SHISA9: variants seen among roughly 807,000 people sequenced by gnomAD.
SHISA9 encodes the protein protein shisa-9.
A neutral mutation model predicts 38.0 loss-of-function variants in SHISA9; 13 were observed. The observed-to-expected ratio is 0.34, with a 90% confidence interval of 0.22 to 0.54. The LOEUF (loss-of-function observed/expected upper bound fraction) is 0.54. Ranked by LOEUF, SHISA9 falls within the 20% of genes least tolerant of loss-of-function variation. SHISA9 has a pLI of 0.91. For missense variants in SHISA9, 538 were observed against 575.8 expected, an observed-to-expected ratio of 0.93 and a Z score of 0.67; for synonymous variants, 275 against 242.0, an observed-to-expected ratio of 1.14 and a Z score of -1.27.
At chr16:13,553,941 C>T in the SHISA9 span, among the ~76,000 whole-genome samples, 1 of 152,188 alleles carries the variant, frequency 6.6e-6, no homozygotes, top group Admixed American at 6.5e-5. Flanking sequence ...AAACCAGTCA[C>T]GGCTGTAAAG....
At chr16:13,430,557 C>G in the SHISA9 span, among the ~76,000 whole-genome samples, 1 of 152,042 alleles carries the variant, frequency 6.6e-6, no homozygotes, top group African/African-American at 2.4e-5. Flanking sequence ...GACATTACAT[C>G]TGATGAAAGA....
intron 2 of SHISA9, among the ~76,000 whole-genome samples, chr16:13,096,352 A>G (rs540508892): frequency 1.2e-4 from 18 of 152,290 alleles, no homozygotes; most frequent in Admixed American, 6.5e-4. Flanking sequence ...GACAAACGCC[A>G]TATCATCTCT....
chr16:13,281,101 C>A, the SHISA9 span, among the ~76,000 whole-genome samples: 1 of 151,678 alleles, frequency 6.6e-6, no homozygotes, highest in East Asian at 1.9e-4. Flanking sequence ...ACTTAATTCT[C>A]GTTTTTAAAA....
intron 2 of SHISA9, among the ~76,000 whole-genome samples, chr16:13,069,715 T>A (rs747274690): frequency 4.6e-5 from 7 of 152,086 alleles, no homozygotes; most frequent in Non-Finnish European, 1.0e-4. Flanking sequence ...CTCACATTTA[T>A]GTCTTGAAAC....
intron 2 of SHISA9, among the ~76,000 whole-genome samples, chr16:12,944,578 A>T (rs937378459): frequency 2.6e-5 from 4 of 152,116 alleles, no homozygotes; most frequent in African/African-American, 9.7e-5. Flanking sequence ...GGAGAATGGG[A>T]TGTTGGCAGC....
intron 2 of SHISA9, among the ~76,000 whole-genome samples, chr16:13,185,357 A>C (rs1390887308): frequency 6.6e-6 from 1 of 152,096 alleles, no homozygotes; most frequent in Non-Finnish European, 1.5e-5. Context: ...ACATGACACC[A>C]TGCCTGGCTA....
intron 2 of SHISA9, among the ~76,000 whole-genome samples, chr16:12,959,263 A>T (rs1055335252): frequency 6.6e-6 from 1 of 152,254 alleles, no homozygotes; most frequent in Admixed American, 6.5e-5. Context: ...GACTAGAGGC[A>T]TTGGATATAT....
At chr16:13,148,650 A>G (rs954200023) in intron 2 of SHISA9, among the ~76,000 whole-genome samples, 22 of 149,820 alleles carry the variant, frequency 1.5e-4, no homozygotes, top group Admixed American at 9.5e-4. Context: ...TCATTCACAC[A>G]CCCACTCTTC....
rs1239034917 is a variant in SHISA9 at position 13,213,353 on chromosome 16, T to G, written c.895+53T>G. 8 of 1,507,010 alleles carry G rather than the reference T, an allele frequency of 5.3e-6. No individual in the cohort carries two copies. The African/African-American group carries it at 9.7e-5, about 18-fold the overall frequency. The allele number at this position is 1,507,010 out of a possible 1,614,324, so 93.4% of individuals were successfully genotyped here. Reference sequence around the variant, plus strand: ...TGTCCAGGTGTTGTCAAAGTTAGCATTAAATAATGAAGGGATAGAGAGTCC... The same window carrying G: ...TGTCCAGGTGTTGTCAAAGTTAGCAGTAAATAATGAAGGGATAGAGAGTCC... On this transcript the variant is annotated intron_variant, in intron 4 of 4. Coordinates refer to ENST00000558583, the MANE Select transcript of SHISA9 (RefSeq NM_001145204.3).
chr16:13,533,220 A>T, the SHISA9 span, among the ~76,000 whole-genome samples: 2 of 152,118 alleles, frequency 1.3e-5, no homozygotes, highest in Non-Finnish European at 2.9e-5. Context: ...ATTCAGAGTC[A>T]AGCACTGTAT....
chr16:13,188,297 G>A (rs1165244952), intron 2 of SHISA9, among the ~76,000 whole-genome samples: 1 of 152,188 alleles, frequency 6.6e-6, no homozygotes, highest in Non-Finnish European at 1.5e-5. Flanking sequence ...CCTTGACACA[G>A]CAGGTGCCTG....
intron 2 of SHISA9, among the ~76,000 whole-genome samples, chr16:13,029,058 A>G (rs1289730996): frequency 6.6e-6 from 1 of 152,158 alleles, no homozygotes; most frequent in African/African-American, 2.4e-5. Context: ...TCTCCTTTTA[A>G]AATTTTTTTT....
Position 13,097,393 on chromosome 16 carries a change from C to T in SHISA9, c.692-106001C>T, listed in dbSNP as rs140254024. Among the ~76,000 whole-genome samples the T allele has an allele frequency of 4.0e-3, 609 of 151,788 alleles. 4 individuals carry two copies. The highest frequency in any genetic ancestry group is 4.3e-3 in the Non-Finnish European group (289 of 67,972). ...ATGAGCCATCACGCGGTGGAATGCC[C>T]GACATCATAGTGGCATTGTCTGATC... On this transcript the variant is annotated intron_variant, in intron 2 of 4. Transcript: ENST00000558583.
At chr16:13,208,442 T>C (rs865918721) in intron 3 of SHISA9, among the ~76,000 whole-genome samples, 9 of 66,652 alleles carry the variant, frequency 1.4e-4, no homozygotes, top group East Asian at 6.0e-4. Context: ...TCTTTTTTTT[T>C]CTTTTTTTTT....
At chr16:13,127,803 C>T (rs970701506) in intron 2 of SHISA9, among the ~76,000 whole-genome samples, 3 of 152,104 alleles carry the variant, frequency 2.0e-5, no homozygotes, top group African/African-American at 4.8e-5. Context: ...CATAAAATCA[C>T]AGTGAAAGAG....
chr16:12,919,484 C>T (rs1262665044), intron 2 of SHISA9, among the ~76,000 whole-genome samples: 1 of 152,210 alleles, frequency 6.6e-6, no homozygotes, highest in Admixed American at 6.5e-5. Flanking sequence ...CTCAACATTG[C>T]TTTAAGAGAA....
chr16:13,023,915 G>T (rs769698640), intron 2 of SHISA9, among the ~76,000 whole-genome samples: 1 of 152,196 alleles, frequency 6.6e-6, no homozygotes, highest in Non-Finnish European at 1.5e-5. Flanking sequence ...CCAGATGGGG[G>T]TAAAACACAA....
chr16:12,992,775 G>A (rs777687516), intron 2 of SHISA9, among the ~76,000 whole-genome samples: 2 of 152,130 alleles, frequency 1.3e-5, no homozygotes, highest in African/African-American at 2.4e-5. Flanking sequence ...AATGACAAGC[G>A]GTGTCTTGCA....
chr16:13,516,155 A>G, the SHISA9 span, among the ~76,000 whole-genome samples: 1 of 152,312 alleles, frequency 6.6e-6, no homozygotes, highest in Non-Finnish European at 1.5e-5. Flanking sequence ...TCTTCAACCC[A>G]GATAAACCAC....
Sources: allele counts gnomAD v4.1 joint callset (sites outside exome capture counted in the v4.1 genomes callset), GRCh38; gene constraint gnomAD v4.1.1; transcripts MANE v1.5; gene names NCBI Gene and HGNC (gene_info 2026-07-23, HGNC 2026-07-21).